MYB: variants seen among roughly 807,000 people sequenced by gnomAD.
MYB encodes the protein MYB proto-oncogene, transcription factor.
A neutral mutation model predicts 92.9 loss-of-function variants in MYB; 28 were observed. The observed-to-expected ratio is 0.30, with a 90% confidence interval of 0.22 to 0.41. MYB has a LOEUF of 0.41. MYB is among the 10% of genes least tolerant of loss of function. The pLI is 1.00. For missense variants in MYB, 679 were observed against 929.3 expected, an observed-to-expected ratio of 0.73 and a Z score of 3.50; for synonymous variants, 295 against 329.1, an observed-to-expected ratio of 0.90 and a Z score of 1.12.
Position 135,218,181 on chromosome 6 carries a change from T to A in MYB, c.*201T>A. ...AACTAAAAGGATTTTTAAAAATAAA[T>A]AACAGTCTTACCTAAATTATTAGGT... On this transcript the variant is annotated 3_prime_UTR_variant, in exon 16 of 16. Transcript: ENST00000341911. 6.0e-6 allele frequency: 3 copies of A among 503,872 alleles called. No homozygotes were observed. The highest frequency in any genetic ancestry group is 1.1e-5 in the Non-Finnish European group (3 of 284,382). 31.2% of individuals were successfully genotyped at this position (503,872 alleles called of 1,614,324 possible).
intron 15 of MYB, among the ~76,000 whole-genome samples, chr6:135,205,760 C>T (rs1023877294): frequency 2.6e-5 from 4 of 152,160 alleles, no homozygotes; most frequent in Non-Finnish European, 4.4e-5. Context: ...TTTACACTGA[C>T]CAGATATATT....
chr6:135,194,227 G>T (rs1583292727), intron 7 of MYB, 129 bp from the exon 8 acceptor site: 3 of 674,106 alleles, frequency 4.5e-6, no homozygotes, highest in East Asian at 2.6e-5. Context: ...AGCCAAATTT[G>T]GTTGGTGGTG....
At chr6:135,199,770 G>A (rs1348988316) in intron 11 of MYB, among the ~76,000 whole-genome samples, 1 of 152,192 alleles carries the variant, frequency 6.6e-6, no homozygotes, top group Non-Finnish European at 1.5e-5. Context: ...ATTTGTAAAT[G>A]ACATCAGGTC....
chr6:135,181,811 G>C lies in MYB; in HGVS notation c.23+275G>C, dbSNP rs1775087891. Among the ~76,000 whole-genome samples the C allele has an allele frequency of 6.6e-6, 1 of 152,196 alleles. No individual in the cohort carries two copies. The highest frequency in any genetic ancestry group is 1.5e-5 in the Non-Finnish European group (1 of 68,014). ...ATACATTTTTCTTTAGGGGGAAAAA[G>C]AAAGCACGTTCCAGCCGAGGGCAGA... is the stretch of plus-strand genomic sequence containing the variant. On this transcript the variant is annotated intron_variant, in intron 1 of 15. Coordinates refer to ENST00000341911, the MANE Select transcript of MYB (RefSeq NM_001130173.2). This position sits in a 1 kb window ranked among gnomAD's most constrained non-coding sequence, Gnocchi z 5.3.
chr6:135,183,829 A>G (rs1299124783), intron 1 of MYB, among the ~76,000 whole-genome samples: 1 of 152,206 alleles, frequency 6.6e-6, no homozygotes, highest in African/African-American at 2.4e-5. Flanking sequence ...GCACGGAAGG[A>G]CATGGCATGG....
intron 15 of MYB, among the ~76,000 whole-genome samples, chr6:135,209,256 CAG>C (rs1422448248): frequency 1.3e-5 from 2 of 152,154 alleles, no homozygotes; most frequent in South Asian, 4.1e-4. Context: ...TGTTTTGAGA[CAG>C]AGTCTCACTC....
chr6:135,204,341 C>G (rs1778564667), intron 15 of MYB, among the ~76,000 whole-genome samples: 1 of 152,198 alleles, frequency 6.6e-6, no homozygotes, highest in Non-Finnish European at 1.5e-5. Flanking sequence ...CCCGGTGGCC[C>G]AGGCTGGAGT....
intron 15 of MYB, 45 bp from the exon 16 acceptor site, chr6:135,217,819 A>G: frequency 7.4e-7 from 1 of 1,359,064 alleles, no homozygotes; most frequent in East Asian, 2.3e-5. Flanking sequence ...CTATAGAATG[A>G]GCTTCTTTGT....
In MYB at chr6:135,199,609, C is replaced by G. The variant is rs941447403; in HGVS notation, c.1710-476C>G. On this transcript the variant is annotated intron_variant, in intron 11 of 15. Coordinates refer to ENST00000341911, the MANE Select transcript of MYB (RefSeq NM_001130173.2). The stretch of plus-strand genomic sequence containing the variant: ...AAGCAGTCATTTTTATTCAATAAAG[C>G]CTTAATCAATTCAGAGAAATGGTAG... 4.4e-6 allele frequency: 4 copies of G among 906,412 alleles called. No individual in the cohort carries two copies. The African/African-American group carries it at 7.3e-5, about 16-fold the overall frequency. 56.1% of individuals were successfully genotyped at this position (906,412 alleles called of 1,614,324 possible).
chr6:135,191,739 T>G (rs992459961), intron 5 of MYB, among the ~76,000 whole-genome samples: 7 of 152,212 alleles, frequency 4.6e-5, no homozygotes, highest in African/African-American at 1.7e-4. Context: ...GGGGTTAGGA[T>G]CTTTCCCTTT....
intron 10 of MYB, among the ~76,000 whole-genome samples, chr6:135,197,671 T>G (rs1215998940): frequency 6.6e-6 from 1 of 152,240 alleles, no homozygotes; most frequent in Non-Finnish European, 1.5e-5. Context: ...ACATCATTTC[T>G]TCCTCGTTGT....
chr6:135,209,469 G>C (rs1779420837), intron 15 of MYB, among the ~76,000 whole-genome samples: 1 of 152,120 alleles, frequency 6.6e-6, no homozygotes, highest in Non-Finnish European at 1.5e-5. Flanking sequence ...CCCAACCTCA[G>C]GTGATCTGCC....
At chr6:135,216,962 C>G (rs894623523) in intron 15 of MYB, among the ~76,000 whole-genome samples, 1 of 152,090 alleles carries the variant, frequency 6.6e-6, no homozygotes, top group African/African-American at 2.4e-5. Context: ...AACCTGCCTC[C>G]CGAGGTGATG....
intron 15 of MYB, among the ~76,000 whole-genome samples, chr6:135,208,260 G>A (rs1344632387): frequency 6.6e-6 from 1 of 151,140 alleles, no homozygotes; most frequent in Non-Finnish European, 1.5e-5. Context: ...GGTATTTTTA[G>A]TAGGGACGGG....
intron 15 of MYB, 136 bp downstream of exon 15, chr6:135,203,460 A>G (rs530670433): frequency 1.4e-6 from 1 of 713,790 alleles, no homozygotes; most frequent in Non-Finnish European, 2.3e-6. Context: ...ATAGGGGAGT[A>G]ATGCTTTTAT....
Position 135,182,821 on chromosome 6 carries a change from C to CGGGCT in MYB, c.23+1295_23+1299dup, listed in dbSNP as rs1022517841. ...GGTGGAGACCCTGCAGCAGCACCCG[C>CGGGCT]GGGCTGGGCTGGGCGGGGAGCAGCG... On this transcript the variant is annotated intron_variant, in intron 1 of 15. Coordinates refer to ENST00000341911, the MANE Select transcript of MYB (RefSeq NM_001130173.2). The surrounding 1 kb of genome is among the most constrained non-coding windows in gnomAD (Gnocchi z 5.6). Among the ~76,000 whole-genome samples the CGGGCT allele has an allele frequency of 2.7e-5, 4 of 148,468 alleles. No individual in the cohort carries two copies. Among genetic ancestry groups the CGGGCT allele is most frequent in the African/African-American group, 9.8e-5 (4 of 40,720 alleles).
intron 15 of MYB, among the ~76,000 whole-genome samples, chr6:135,204,158 C>A (rs1242202449): frequency 5.3e-5 from 8 of 152,180 alleles, no homozygotes; most frequent in Non-Finnish European, 1.2e-4. Context: ...ATGGCACGAT[C>A]ATAGGACAGC....
Position 135,218,064 on chromosome 6 carries a change from GA to G in MYB, c.*86del. 1.8e-6 allele frequency: 2 copies of G among 1,083,524 alleles called. No individual in the cohort carries two copies. The highest frequency in any genetic ancestry group is 1.4e-6 in the Non-Finnish European group (1 of 703,386). 67.1% of individuals were successfully genotyped at this position (1,083,524 alleles called of 1,614,324 possible). A position where few individuals can be genotyped will look rare whatever the true frequency, so the allele number is the denominator to read the frequency against. The stretch of plus-strand genomic sequence containing the variant: ...CATTCCTCAACATGAAACTTTTCAT[GA>G]ATGGGAGAAGAACCTATTTTTGTTG... On this transcript the variant is annotated 3_prime_UTR_variant, in exon 16 of 16. Coordinates refer to ENST00000341911, the MANE Select transcript of MYB (RefSeq NM_001130173.2).
intron 15 of MYB, chr6:135,203,767 C>T: frequency 1.5e-6 from 2 of 1,328,342 alleles, no homozygotes; most frequent in Middle Eastern, 4.1e-4. Flanking sequence ...TGAAATTAGT[C>T]AGACAGAAAA....
Sources: allele counts gnomAD v4.1 joint callset (sites outside exome capture counted in the v4.1 genomes callset), GRCh38; gene constraint gnomAD v4.1.1; non-coding constraint Gnocchi (gnomAD v3.1); transcripts MANE v1.5; gene names NCBI Gene and HGNC (gene_info 2026-07-23, HGNC 2026-07-21).